PRKCE: variants seen among roughly 807,000 people sequenced by gnomAD.
PRKCE encodes protein kinase C epsilon type.
PRKCE carries 16 observed loss-of-function variants against 85.4 expected under a neutral mutation model. That is an observed-to-expected ratio of 0.19 (90% CI 0.13 to 0.28). PRKCE has a LOEUF of 0.28. Among genes scored for constraint, PRKCE ranks in the 10% least tolerant of loss-of-function variants. The pLI, the probability that PRKCE is intolerant of heterozygous loss-of-function variation, is 1.00. For missense variants in PRKCE, 573 were observed against 975.2 expected, an observed-to-expected ratio of 0.59 and a Z score of 5.49; for synonymous variants, 388 against 371.5, an observed-to-expected ratio of 1.04 and a Z score of -0.51.
At chr2:45,870,518 G>T (rs1694006762) in intron 2 of PRKCE, among the ~76,000 whole-genome samples, 1 of 152,228 alleles carries the variant, frequency 6.6e-6, no homozygotes, top group African/African-American at 2.4e-5. Context: ...TCACATTCAG[G>T]GGTTTTGTTG....
intron 6 of PRKCE, among the ~76,000 whole-genome samples, chr2:45,992,010 A>C (rs1302110564): frequency 6.6e-6 from 1 of 152,200 alleles, no homozygotes; most frequent in South Asian, 2.1e-4. Flanking sequence ...CGTCGTGGTG[A>C]ACCTGGAGAT....
At chr2:45,695,172 C>A (rs1185060364) in intron 1 of PRKCE, among the ~76,000 whole-genome samples, 1 of 152,164 alleles carries the variant, frequency 6.6e-6, no homozygotes, top group East Asian at 1.9e-4. Context: ...GGAGGAAAAT[C>A]TGTTATTCAG....
intron 1 of PRKCE, among the ~76,000 whole-genome samples, chr2:45,708,777 C>T (rs1558580018): frequency 6.6e-6 from 1 of 152,142 alleles, no homozygotes; most frequent in East Asian, 1.9e-4. Flanking sequence ...TAGGCCAGCC[C>T]ACAAAAACCT....
At chr2:45,716,724 AAGGAAGGAAAGT>A (rs1474424566) in intron 1 of PRKCE, among the ~76,000 whole-genome samples, 546 of 53,630 alleles carry the variant, frequency 0.01, 7 homozygotes, top group African/African-American at 0.039. Context: ...GGAAGGAAGG[AAGGAAGGAAAGT>A]AGGAAGGAAC....
At chr2:46,081,166 A>AT (rs935536339) in intron 10 of PRKCE, among the ~76,000 whole-genome samples, 3 of 151,988 alleles carry the variant, frequency 2.0e-5, no homozygotes, top group African/African-American at 4.8e-5. Context: ...TAACTTTTTA[A>AT]TTTTTTTGTA....
intron 10 of PRKCE, among the ~76,000 whole-genome samples, chr2:46,077,123 G>T (rs979349263): frequency 6.6e-6 from 1 of 151,862 alleles, no homozygotes; most frequent in Non-Finnish European, 1.5e-5. Flanking sequence ...TTAAACATTT[G>T]CTAAGACTGC....
At chr2:45,964,199 T>C (rs1251491040) in intron 2 of PRKCE, among the ~76,000 whole-genome samples, 2 of 152,326 alleles carry the variant, frequency 1.3e-5, no homozygotes, top group East Asian at 3.9e-4. Context: ...ACCCTTTCCA[T>C]GTTCACCAAC....
At chr2:45,953,443 C>G (rs190221100) in intron 2 of PRKCE, among the ~76,000 whole-genome samples, 2 of 152,200 alleles carry the variant, frequency 1.3e-5, no homozygotes, top group African/African-American at 4.8e-5. Context: ...CTCTTCCTCC[C>G]TTCCCTCTCC....
chr2:45,949,402 G>GTTTTTTTTTTTTTTTTGTTTT (rs1700463588), intron 2 of PRKCE, among the ~76,000 whole-genome samples: 7 of 118,736 alleles, frequency 5.9e-5, no homozygotes, highest in Non-Finnish European at 6.9e-5. Flanking sequence ...TATTTTGCTT[G>GTTTTTTTTTTTTTTTTGTTTT]TTTTTTTTTT....
Position 45,651,973 on chromosome 2 carries a change from G to T in PRKCE, c.-128G>T. On this transcript the variant is annotated 5_prime_UTR_variant, in exon 1 of 15. The change creates a new upstream start codon in the 5' untranslated region. Coordinates refer to ENST00000306156, the MANE Select transcript of PRKCE (RefSeq NM_005400.3). Reference sequence around the variant, plus strand: ...CCAGGGCGCAACGCCACAAGGTGTAGGGAGTGTGCGGGGTGGGGCGAAAGG... The same window carrying T: ...CCAGGGCGCAACGCCACAAGGTGTATGGAGTGTGCGGGGTGGGGCGAAAGG... 1.4e-6 allele frequency: 1 copy of T among 724,542 alleles called. No homozygotes were observed. The highest frequency in any genetic ancestry group is 2.3e-6 in the Non-Finnish European group (1 of 430,744). 44.9% of individuals were successfully genotyped at this position (724,542 alleles called of 1,614,324 possible). A position where few individuals can be genotyped will look rare whatever the true frequency, so the allele number is the denominator to read the frequency against.
At chr2:45,977,162 G>T (rs530174340) in intron 3 of PRKCE, among the ~76,000 whole-genome samples, 1 of 152,094 alleles carries the variant, frequency 6.6e-6, no homozygotes, top group African/African-American at 2.4e-5. Flanking sequence ...CCCCCAAAGT[G>T]CTGGGATTAT....
chr2:45,667,700 G>C (rs1302633738), intron 1 of PRKCE, among the ~76,000 whole-genome samples: 2 of 151,886 alleles, frequency 1.3e-5, no homozygotes, highest in African/African-American at 4.8e-5. Context: ...AGCAGTTTTA[G>C]GTTTATAAAA....
chr2:45,975,409 C>G (rs144519545), intron 2 of PRKCE, among the ~76,000 whole-genome samples: 1 of 152,194 alleles, frequency 6.6e-6, no homozygotes, highest in East Asian at 1.9e-4. Context: ...GATCAGGGAG[C>G]CAGTATGGGT....
intron 1 of PRKCE, among the ~76,000 whole-genome samples, chr2:45,657,903 A>T (rs2103717000): frequency 6.6e-6 from 1 of 152,362 alleles, no homozygotes; most frequent in African/African-American, 2.4e-5. Flanking sequence ...AGCCTCTAGC[A>T]GTGCTGATTC....
chr2:45,812,430 C>T (rs901675127), intron 1 of PRKCE, among the ~76,000 whole-genome samples: 5 of 152,104 alleles, frequency 3.3e-5, no homozygotes, highest in Admixed American at 6.6e-5. Context: ...TGAGTCAAGC[C>T]CTGTGCAGGG....
chr2:45,992,092 C>T (rs1457296823), intron 6 of PRKCE, among the ~76,000 whole-genome samples: 2 of 152,060 alleles, frequency 1.3e-5, no homozygotes, highest in Admixed American at 6.6e-5. Context: ...AAATCATAGG[C>T]GATAATTCAG....
chr2:45,977,527 C>T (rs1702551645), intron 3 of PRKCE, among the ~76,000 whole-genome samples: 1 of 151,850 alleles, frequency 6.6e-6, no homozygotes, highest in Non-Finnish European at 1.5e-5. Flanking sequence ...ATCCCAGCTA[C>T]TTGGGAGGCT....
rs2103702978 is a variant in PRKCE at position 46,068,710 on chromosome 2, G to C, written c.1438-17498G>C. 6.6e-6 allele frequency among the ~76,000 whole-genome samples: 1 copy of C among 151,806 alleles called. No homozygotes were observed. The highest frequency in any genetic ancestry group is 2.0e-4 in the East Asian group (1 of 5,040). On this transcript the variant is annotated intron_variant, in intron 10 of 14. Coordinates refer to ENST00000306156, the MANE Select transcript of PRKCE (RefSeq NM_005400.3). The surrounding 1 kb of genome is among the most constrained non-coding windows in gnomAD (Gnocchi z 4.3). Reference sequence around the variant, plus strand: ...TTGCAAAGGCATCACCAATGAGCAGGAGGATAGGAAATGCCTGGCATGTAG... The same window carrying C: ...TTGCAAAGGCATCACCAATGAGCAGCAGGATAGGAAATGCCTGGCATGTAG...
Position 46,081,351 on chromosome 2 carries a change from T to A in PRKCE, c.1438-4857T>A, listed in dbSNP as rs75346474. Among the ~76,000 whole-genome samples, 695 of 152,288 alleles carry A rather than the reference T, an allele frequency of 4.6e-3. 22 individuals carry two copies. In the East Asian group the frequency reaches 0.056, roughly 12 times the overall value. On this transcript the variant is annotated intron_variant, in intron 10 of 14. Coordinates refer to ENST00000306156, the MANE Select transcript of PRKCE (RefSeq NM_005400.3). ...TTTTTGTTCTTCTATTCACATGGTG[T>A]TTGCTTTTAAAAGAGATTATAACAA...
Sources: allele counts gnomAD v4.1 joint callset (sites outside exome capture counted in the v4.1 genomes callset), GRCh38; gene constraint gnomAD v4.1.1; non-coding constraint Gnocchi (gnomAD v3.1); transcripts MANE v1.5; gene names NCBI Gene and HGNC (gene_info 2026-07-23, HGNC 2026-07-21).